ARSG: variants seen among roughly 807,000 people sequenced by gnomAD.
ARSG encodes the protein ASG.
ARSG carries 37 observed loss-of-function variants against 50.5 expected under a neutral mutation model. The observed-to-expected ratio is 0.73, with a 90% CI of 0.56 to 0.96. The LOEUF (loss-of-function observed/expected upper bound fraction) is 0.96. Ranked by LOEUF, ARSG falls within the 50% of genes least tolerant of loss-of-function variation. The probability of loss-of-function intolerance (pLI) is 0.00; values close to 1 mark genes in which losing one functional copy is unlikely to be tolerated. For synonymous variants in ARSG, 225 were observed against 254.6 expected (o/e 0.88, Z 1.11); for missense variants, 629 against 675.3 (o/e 0.93, Z 0.76).
chr17:68,420,141 G>C (rs371569262), intron 11 of ARSG, 48 bp from the exon 12 acceptor site: 212 of 1,600,892 alleles, frequency 1.3e-4, no homozygotes, highest in Middle Eastern at 2.1e-4. Context: ...TTACAACACA[G>C]GGCAACTGTC....
chr17:68,422,078 T>C (rs989563571), downstream of ARSG: 7 of 464,698 alleles, frequency 1.5e-5, no homozygotes, highest in African/African-American at 3.9e-5. Flanking sequence ...TGTATATGTA[T>C]ATATTTTTAA....
chr17:68,348,993 A>C (rs1002437389), intron 4 of ARSG, among the ~76,000 whole-genome samples: 1 of 152,138 alleles, frequency 6.6e-6, no homozygotes. Context: ...CTGTTTTTGT[A>C]AATAAAATTT....
the ARSG span, among the ~76,000 whole-genome samples, chr17:68,449,033 A>C: frequency 6.6e-6 from 1 of 152,216 alleles, no homozygotes; most frequent in African/African-American, 2.4e-5. Flanking sequence ...AATTCAAAGA[A>C]ACAATCCCTT....
At chr17:68,294,238 T>A (rs1381519583) in intron 1 of ARSG, among the ~76,000 whole-genome samples, 5 of 152,266 alleles carry the variant, frequency 3.3e-5, no homozygotes, top group East Asian at 1.9e-4. Flanking sequence ...CCCCAACATC[T>A]TCTTGGGGAA....
At chr17:68,445,211 C>T in the ARSG span, among the ~76,000 whole-genome samples, 5 of 152,284 alleles carry the variant, frequency 3.3e-5, no homozygotes, top group East Asian at 1.9e-4. Flanking sequence ...TGAGCCACCG[C>T]GTTCAACAGG....
intron 8 of ARSG, among the ~76,000 whole-genome samples, chr17:68,380,810 C>T (rs572602337): frequency 2.1e-4 from 32 of 152,244 alleles, no homozygotes; most frequent in South Asian, 1.5e-3. Flanking sequence ...ACTGTACAAT[C>T]GTTTCCCTGC....
At chr17:68,433,803 C>CA in the ARSG span, among the ~76,000 whole-genome samples, 1 of 88,790 alleles carries the variant, frequency 1.1e-5, no homozygotes, top group South Asian at 4.2e-4. Context: ...TTTTTTGAGA[C>CA]AGAGTCTCTC....
At chr17:68,269,440 C>T (rs374694088) in intron 1 of ARSG, 69,403 of 1,144,256 alleles carry the variant, frequency 0.061, 7,541 homozygotes, top group African/African-American at 0.28. Flanking sequence ...CTCAGTTTCA[C>T]TGCCTTCCTT....
chr17:68,354,075 T>A (rs1358090369), intron 5 of ARSG, among the ~76,000 whole-genome samples: 1 of 151,446 alleles, frequency 6.6e-6, no homozygotes, highest in East Asian at 1.9e-4. Flanking sequence ...TTTTTATTTT[T>A]ATTTTTTAAT....
chr17:68,420,064 C>T, intron 11 of ARSG, 125 bp from the exon 12 acceptor site: 1 of 1,072,122 alleles, frequency 9.3e-7, no homozygotes, highest in South Asian at 1.5e-5. Context: ...ACAGAGAGAG[C>T]CATCATTGGA....
chr17:68,419,938 A>C (rs891781902), intron 11 of ARSG, among the ~76,000 whole-genome samples: 3 of 152,310 alleles, frequency 2.0e-5, no homozygotes, highest in South Asian at 4.1e-4. Context: ...CAGCCTGGGC[A>C]ACGAAGCCAG....
At chr17:68,301,049 C>T (rs1055992609) in intron 1 of ARSG, among the ~76,000 whole-genome samples, 5 of 149,856 alleles carry the variant, frequency 3.3e-5, no homozygotes, top group Non-Finnish European at 4.4e-5. Context: ...ACCTGGAAGG[C>T]GGAGCTTGCA....
chr17:68,283,735 G>A (rs1386706615), intron 1 of ARSG, among the ~76,000 whole-genome samples: 38 of 150,284 alleles, frequency 2.5e-4, no homozygotes, highest in Admixed American at 1.9e-3. Flanking sequence ...AAAATTAGCC[G>A]GGTGTGGTGG....
chr17:68,338,592 G>A (rs1299321609), intron 2 of ARSG, among the ~76,000 whole-genome samples: 1 of 152,150 alleles, frequency 6.6e-6, no homozygotes, highest in Non-Finnish European at 1.5e-5. Context: ...GACTGGATTT[G>A]CCTGGATACA....
chr17:68,327,508 C>T (rs2077554018), intron 2 of ARSG, among the ~76,000 whole-genome samples: 1 of 152,196 alleles, frequency 6.6e-6, no homozygotes, highest in East Asian at 1.9e-4. Flanking sequence ...CTCTTCTTCA[C>T]ATGGCCATCT....
chr17:68,428,228 G>GTT, the ARSG span: 58 of 136,024 alleles, frequency 4.3e-4, no homozygotes, highest in Middle Eastern at 4.2e-3. Context: ...CAGGGAATAG[G>GTT]TTTTTTTTTT....
the ARSG span, chr17:68,428,992 G>A: frequency 8.0e-6 from 11 of 1,371,200 alleles, no homozygotes; most frequent in East Asian, 9.3e-5. Flanking sequence ...CGATGGATTC[G>A]CTTCCAATGA....
At chr17:68,309,593 A>G (rs2076764759) in intron 2 of ARSG, among the ~76,000 whole-genome samples, 2 of 152,314 alleles carry the variant, frequency 1.3e-5, no homozygotes, top group Non-Finnish European at 2.9e-5. Flanking sequence ...GGCTGGGTGC[A>G]GTGGCTCACG....
intron 1 of ARSG, among the ~76,000 whole-genome samples, chr17:68,262,481 A>G (rs114338249): frequency 0.028 from 3,175 of 112,344 alleles, 107 homozygotes; most frequent in African/African-American, 0.1. Flanking sequence ...CAACCCCCCC[A>G]GAAAAAGAGC....
Sources: allele counts gnomAD v4.1 joint callset (sites outside exome capture counted in the v4.1 genomes callset), GRCh38; gene constraint gnomAD v4.1.1; transcripts MANE v1.5; gene names NCBI Gene and HGNC (gene_info 2026-07-23, HGNC 2026-07-21).